Variants in PTPRD observed in about 807,000 individuals in gnomAD.
PTPRD encodes protein tyrosine phosphatase receptor type D.
A neutral mutation model predicts 214.5 loss-of-function variants in PTPRD; 34 were observed. That is an observed-to-expected ratio of 0.16 (90% confidence interval 0.12 to 0.21). The LOEUF is 0.21. Among genes scored for constraint, PTPRD ranks in the 10% least tolerant of loss-of-function variants. The pLI is 1.00. For synonymous variants in PTPRD, 1,128 were observed against 845.7 expected, an observed-to-expected ratio of 1.33 and a Z score of -5.79; for missense variants, 2,545 against 2,398.7, an observed-to-expected ratio of 1.06 and a Z score of -1.27.
intron 5 of PTPRD, among the ~76,000 whole-genome samples, chr9:9,810,963 T>C (rs1437790244): frequency 1.3e-5 from 2 of 151,616 alleles, no homozygotes; most frequent in Non-Finnish European, 2.9e-5. Flanking sequence ...CGCGGCCAGG[T>C]GCACTCGCTC....
rs372290059 is a variant in PTPRD at position 10,243,603 on chromosome 9, T to C, written c.-545+97360A>G. On this transcript the variant is annotated intron_variant, in intron 3 of 45. Transcript: ENST00000381196. ...CCTTCACACTGCTACCACAATTTTC[T>C]TCTGAAATCCCATTGGGATACTTAA... Among the ~76,000 whole-genome samples the C allele has an allele frequency of 5.9e-5, 9 of 152,146 alleles. No homozygotes were observed. The East Asian group carries it at 1.5e-3, about 26-fold the overall frequency.
At chr9:8,876,224 G>GTGTTGTTGTTGTTGTTGT (rs5896271) in intron 11 of PTPRD, among the ~76,000 whole-genome samples, 7 of 151,078 alleles carry the variant, frequency 4.6e-5, no homozygotes, top group East Asian at 2.0e-4. Flanking sequence ...ATGTGTGTGT[G>GTGTTGTTGTTGTTGTTGT]TGTTGTTGTT....
intron 8 of PTPRD, among the ~76,000 whole-genome samples, chr9:9,520,319 G>A (rs1390769187): frequency 6.8e-6 from 1 of 146,910 alleles, no homozygotes; most frequent in Non-Finnish European, 1.5e-5. Flanking sequence ...ATATATATAA[G>A]AAAATTAATA....
At chr9:8,504,476 GA>G in intron 22 of PTPRD, 71 bp from the exon 23 acceptor site, 1 of 1,520,404 alleles carries the variant, frequency 6.6e-7, no homozygotes, top group South Asian at 1.2e-5. Flanking sequence ...ATACTGTCTG[GA>G]CCATCAGATT....
At chr9:8,672,825 T>C (rs1449147485) in intron 12 of PTPRD, among the ~76,000 whole-genome samples, 1 of 144,474 alleles carries the variant, frequency 6.9e-6, no homozygotes, top group Non-Finnish European at 1.5e-5. Context: ...TTTTCCAACA[T>C]CTTAATTTTT....
rs2098182804 is a variant in PTPRD at position 8,705,342 on chromosome 9, C to A, written c.64+28438G>T. 2.0e-5 allele frequency among the ~76,000 whole-genome samples: 3 copies of A among 152,170 alleles called. No individual in the cohort carries two copies. In the South Asian group the frequency reaches 6.2e-4, roughly 31 times the overall value. On this transcript the variant is annotated intron_variant, in intron 12 of 45. Transcript: ENST00000381196. ...TTCTGTGATTCTCCTGCCTCAGCCT[C>A]CCGAGTAGCTGGGATTACAGGCACC... is the stretch of plus-strand genomic sequence containing the variant.
chr9:9,605,911 C>A (rs1445362084), intron 7 of PTPRD, among the ~76,000 whole-genome samples: 1 of 152,002 alleles, frequency 6.6e-6, no homozygotes, highest in Admixed American at 6.6e-5. Context: ...GGCCAAAGTG[C>A]AAAACTAAGC....
chr9:9,640,471 T>C (rs1233385021), intron 7 of PTPRD, among the ~76,000 whole-genome samples: 1 of 152,216 alleles, frequency 6.6e-6, no homozygotes, highest in Non-Finnish European at 1.5e-5. Context: ...TCTGCACTTT[T>C]CATTTAGTTG....
intron 2 of PTPRD, among the ~76,000 whole-genome samples, chr9:10,584,194 A>G (rs1318587169): frequency 1.3e-5 from 2 of 150,500 alleles, no homozygotes; most frequent in East Asian, 4.0e-4. Flanking sequence ...AAAAAAAAAA[A>G]GAAAGAAAAA....
At chr9:10,145,673 T>A (rs1465329481) in intron 3 of PTPRD, among the ~76,000 whole-genome samples, 1 of 151,908 alleles carries the variant, frequency 6.6e-6, no homozygotes, top group Non-Finnish European at 1.5e-5. Context: ...ATGGGATTGG[T>A]ACCATTAACC....
intron 11 of PTPRD, among the ~76,000 whole-genome samples, chr9:8,747,148 A>G (rs960331037): frequency 6.6e-6 from 1 of 152,150 alleles, no homozygotes; most frequent in African/African-American, 2.4e-5. Flanking sequence ...TTCCTTTATT[A>G]TGTTTCCTTT....
At chr9:10,132,210 A>C (rs1276632303) in intron 3 of PTPRD, among the ~76,000 whole-genome samples, 1 of 152,132 alleles carries the variant, frequency 6.6e-6, no homozygotes, top group Non-Finnish European at 1.5e-5. Flanking sequence ...AGAAAAATGA[A>C]AATGATGTGA....
intron 3 of PTPRD, among the ~76,000 whole-genome samples, chr9:10,079,749 G>A (rs747023210): frequency 7.9e-5 from 12 of 152,010 alleles, no homozygotes; most frequent in Non-Finnish European, 1.5e-4. Flanking sequence ...ATTAAGGTTC[G>A]TTTTCCTCAC....
intron 3 of PTPRD, among the ~76,000 whole-genome samples, chr9:10,143,582 T>A (rs1321362834): frequency 6.6e-6 from 1 of 151,890 alleles, no homozygotes; most frequent in African/African-American, 2.4e-5. Context: ...GAAAAAAAAT[T>A]GTATCAAAAA....
intron 39 of PTPRD, among the ~76,000 whole-genome samples, chr9:8,346,381 TCA>T (rs1342082917): frequency 6.6e-6 from 1 of 152,166 alleles, no homozygotes; most frequent in Non-Finnish European, 1.5e-5. Context: ...GGTGAAAACA[TCA>T]TATAGAGTAG....
At position 9,784,064 on chromosome 9, in the gene PTPRD, G is replaced by A. The variant is rs138203428; in HGVS notation, c.-367-17213C>T. Among the ~76,000 whole-genome samples, 194 of 152,076 alleles carry A rather than the reference G, an allele frequency of 1.3e-3. 1 individual carries two copies. The highest frequency in any genetic ancestry group is 4.1e-3 in the African/African-American group (172 of 41,532). ...AAAATGTAATTTGCATCAATATGTCGTCAGACAGATTTACAGAAAGCTAAC... is the reference window on the plus strand; with the variant it reads ...AAAATGTAATTTGCATCAATATGTCATCAGACAGATTTACAGAAAGCTAAC... On this transcript the variant is annotated intron_variant, in intron 5 of 45. Transcript: ENST00000381196.
At chr9:8,578,454 A>G (rs2092705170) in intron 14 of PTPRD, among the ~76,000 whole-genome samples, 1 of 152,218 alleles carries the variant, frequency 6.6e-6, no homozygotes, top group Non-Finnish European at 1.5e-5. Context: ...CTGTAATACT[A>G]TTATTTGATT....
intron 12 of PTPRD, among the ~76,000 whole-genome samples, chr9:8,677,841 C>T (rs897580703): frequency 2.6e-5 from 4 of 152,046 alleles, no homozygotes; most frequent in Non-Finnish European, 5.9e-5. Context: ...ACTTGGGAAG[C>T]GAGCAACACA....
At chr9:10,223,657 G>A (rs1176803022) in intron 3 of PTPRD, among the ~76,000 whole-genome samples, 1 of 141,356 alleles carries the variant, frequency 7.1e-6, no homozygotes, top group Non-Finnish European at 1.5e-5. Flanking sequence ...GTGACAGAAT[G>A]AGATTCTGTC....
Sources: gnomAD v4.1 joint callset for allele counts (sites outside exome capture counted in the v4.1 genomes callset) on GRCh38, gnomAD v4.1.1 for gene constraint, MANE v1.5 for transcripts, NCBI Gene and HGNC (gene_info 2026-07-23, HGNC 2026-07-21) for gene names.